The following GMDS variants were observed in gnomAD, a reference collection of about 807,000 sequenced individuals.
GMDS encodes GDP-mannose 4,6 dehydratase.
A neutral mutation model predicts 49.9 loss-of-function variants in GMDS; 20 were observed. The observed-to-expected ratio is 0.40, with a 90% CI of 0.28 to 0.58. The LOEUF is 0.58. GMDS is among the 20% of genes least tolerant of loss of function. The pLI is 0.42. For missense variants in GMDS, 362 were observed against 481.4 expected, an observed-to-expected ratio of 0.75 and a Z score of 2.32; for synonymous variants, 177 against 178.6, an observed-to-expected ratio of 0.99 and a Z score of 0.07.
chr6:2,098,011 A>C (rs1344570753), intron 4 of GMDS, among the ~76,000 whole-genome samples: 3 of 151,060 alleles, frequency 2.0e-5, no homozygotes, highest in Non-Finnish European at 4.4e-5. Context: ...TGTTTTAAGA[A>C]AAAAAAAAAA....
chr6:1,673,798 C>T (rs1764502928), intron 9 of GMDS, among the ~76,000 whole-genome samples: 1 of 151,852 alleles, frequency 6.6e-6, no homozygotes. Flanking sequence ...CAGTACTCAG[C>T]TTTTTCAGAC....
chr6:2,044,115 G>T (rs1769849912), intron 4 of GMDS, among the ~76,000 whole-genome samples: 1 of 152,062 alleles, frequency 6.6e-6, no homozygotes, highest in African/African-American at 2.4e-5. Flanking sequence ...ACTGCTGGTG[G>T]GCATATAAAT....
chr6:2,001,816 C>T (rs903416522), intron 4 of GMDS, among the ~76,000 whole-genome samples: 2 of 152,080 alleles, frequency 1.3e-5, no homozygotes, highest in African/African-American at 2.4e-5. Context: ...AAATGGTGCA[C>T]GGACAACTGG....
In GMDS at chr6:1,778,615, T is replaced by C. The variant is rs991428865; in HGVS notation, c.772-36029A>G. Among the ~76,000 whole-genome samples, 31 of 152,326 alleles carry C rather than the reference T, an allele frequency of 2.0e-4. No individual in the cohort carries two copies. Among genetic ancestry groups the C allele is most frequent in the East Asian group, 5.8e-4 (3 of 5,184 alleles). On this transcript the variant is annotated intron_variant, in intron 7 of 10. Transcript: ENST00000380815. The surrounding 1 kb of genome is among the most constrained non-coding windows in gnomAD (Gnocchi z 4.6). ...AACTGCAGGATTAGAGTAACATTAG[T>C]TAACGTGGCCCTCCATTAATTTTCA...
Position 1,774,988 on chromosome 6 carries a change from CCT to C in GMDS, c.772-32404_772-32403del, listed in dbSNP as rs565714846. Among the ~76,000 whole-genome samples the C allele has an allele frequency of 9.2e-5, 14 of 152,330 alleles. No individual in the cohort carries two copies. The East Asian group carries it at 2.7e-3, about 29-fold the overall frequency. Reference sequence around the variant, plus strand: ...CCAAGCGGAGCCTGCTCGATGGCCTCCTGTCTTTGGCTGATTCCGAAAGACAA... The same window carrying C: ...CCAAGCGGAGCCTGCTCGATGGCCTCGTCTTTGGCTGATTCCGAAAGACAA... On this transcript the variant is annotated intron_variant, in intron 7 of 10. Coordinates refer to ENST00000380815, the MANE Select transcript of GMDS (RefSeq NM_001500.4).
At chr6:2,185,804 A>C (rs1270279380) in intron 1 of GMDS, among the ~76,000 whole-genome samples, 1 of 152,178 alleles carries the variant, frequency 6.6e-6, no homozygotes, top group African/African-American at 2.4e-5. Flanking sequence ...CATTCAGAAC[A>C]CATCAGCCTC....
chr6:1,999,944 T>C (rs1439015985), intron 4 of GMDS, among the ~76,000 whole-genome samples: 1 of 67,660 alleles, frequency 1.5e-5, no homozygotes, highest in Admixed American at 2.8e-4. Context: ...TTATATATAA[T>C]ATATAATATG....
At chr6:1,852,801 G>A (rs1052384320) in intron 7 of GMDS, among the ~76,000 whole-genome samples, 3 of 151,712 alleles carry the variant, frequency 2.0e-5, no homozygotes, top group African/African-American at 4.8e-5. Context: ...CTGCCTTCCG[G>A]GTTCAAGCGA....
intron 9 of GMDS, among the ~76,000 whole-genome samples, chr6:1,714,456 C>T (rs995975129): frequency 3.3e-5 from 5 of 151,740 alleles, no homozygotes; most frequent in African/African-American, 1.2e-4. Context: ...AAAGGAATAT[C>T]ATGCCACCAG....
chr6:2,010,326 CAAA>C (rs201372798), intron 4 of GMDS, among the ~76,000 whole-genome samples: 2 of 90,348 alleles, frequency 2.2e-5, no homozygotes. Context: ...GACTCCATCT[CAAA>C]AAAAAAAAAA....
intron 8 of GMDS, among the ~76,000 whole-genome samples, chr6:1,734,322 G>A (rs1021464673): frequency 6.6e-6 from 1 of 152,192 alleles, no homozygotes; most frequent in African/African-American, 2.4e-5. Context: ...TCATGTAGAA[G>A]GCACTTCTTA....
At chr6:2,109,712 C>G (rs774862546) in intron 4 of GMDS, among the ~76,000 whole-genome samples, 2 of 152,254 alleles carry the variant, frequency 1.3e-5, no homozygotes, top group Non-Finnish European at 2.9e-5. Context: ...ACATTCCTCT[C>G]TTCTGCCCCA....
chr6:1,749,386 A>C (rs1478314368), intron 7 of GMDS, among the ~76,000 whole-genome samples: 2 of 151,920 alleles, frequency 1.3e-5, no homozygotes, highest in Non-Finnish European at 2.9e-5. Context: ...TGAGGAGTTT[A>C]AGACCAGCCT....
chr6:2,029,288 T>A lies in GMDS; in HGVS notation c.346-68322A>T, dbSNP rs558336341. ...CCTAACCAGATATTTTGCAACTACA[T>A]TAAAATAAATCATAACCTTTATTTA... On this transcript the variant is annotated intron_variant, in intron 4 of 10. Transcript: ENST00000380815. Among the ~76,000 whole-genome samples, 424 of 152,236 alleles carry A rather than the reference T, an allele frequency of 2.8e-3. 4 individuals carry two copies. The highest frequency in any genetic ancestry group is 9.9e-3 in the African/African-American group (411 of 41,548).
chr6:2,061,261 C>T (rs1382073315), intron 4 of GMDS, among the ~76,000 whole-genome samples: 2 of 152,120 alleles, frequency 1.3e-5, no homozygotes, highest in African/African-American at 2.4e-5. Context: ...TTACCACCCA[C>T]CATCCTCACT....
At chr6:2,051,196 A>G (rs1770373361) in intron 4 of GMDS, among the ~76,000 whole-genome samples, 1 of 152,194 alleles carries the variant, frequency 6.6e-6, no homozygotes, top group Non-Finnish European at 1.5e-5. Flanking sequence ...GCAATGAAAT[A>G]CATTCTCCCC....
chr6:2,000,504 C>A (rs1766740152), intron 4 of GMDS, among the ~76,000 whole-genome samples: 1 of 152,074 alleles, frequency 6.6e-6, no homozygotes, highest in African/African-American at 2.4e-5. Context: ...GTCTCTATTA[C>A]CTATTTTGGA....
rs541503557 is a variant in GMDS at position 2,089,068 on chromosome 6, A to G, written c.345+26703T>C. ...GTAATACTAAAACAAAACAAAAAAAACTAATTTCTCAAACAGCGTATAGAT... is the reference window on the plus strand; with the variant it reads ...GTAATACTAAAACAAAACAAAAAAAGCTAATTTCTCAAACAGCGTATAGAT... On this transcript the variant is annotated intron_variant, in intron 4 of 10. Transcript: ENST00000380815. 1.4e-4 allele frequency among the ~76,000 whole-genome samples: 21 copies of G among 152,346 alleles called. 1 individual carries two copies. The South Asian group carries it at 4.3e-3, about 32-fold the overall frequency.
At chr6:1,851,538 T>C (rs548285719) in intron 7 of GMDS, among the ~76,000 whole-genome samples, 2 of 152,194 alleles carry the variant, frequency 1.3e-5, no homozygotes, top group Admixed American at 6.5e-5. Flanking sequence ...AAAACACACA[T>C]ACTGTATAGC....
Sources: gnomAD v4.1 joint callset for allele counts (sites outside exome capture counted in the v4.1 genomes callset) on GRCh38, gnomAD v4.1.1 for gene constraint, Gnocchi (gnomAD v3.1) non-coding constraint, MANE v1.5 for transcripts, NCBI Gene and HGNC (gene_info 2026-07-23, HGNC 2026-07-21) for gene names.